Variants in NAV3 observed in about 807,000 individuals in gnomAD.
NAV3 encodes pore membrane and/or filament interacting like protein 1.
NAV3 carries 87 observed loss-of-function variants against 244.7 expected under a neutral mutation model. The observed-to-expected ratio is 0.36, with a 90% confidence interval of 0.30 to 0.42. The LOEUF (loss-of-function observed/expected upper bound fraction) is 0.42. Ranked by LOEUF, NAV3 falls within the 20% of genes least tolerant of loss-of-function variation. The pLI, the probability that NAV3 is intolerant of heterozygous loss-of-function variation, is 1.00. For synonymous variants in NAV3, 1,126 were observed against 1,042.2 expected (o/e 1.08, Z -1.55); for missense variants, 2,663 against 2,893.3 (o/e 0.92, Z 1.83).
At chr12:77,997,957 T>G (rs941128351) in intron 6 of NAV3, among the ~76,000 whole-genome samples, 6 of 152,204 alleles carry the variant, frequency 3.9e-5, no homozygotes, top group Non-Finnish European at 8.8e-5. Flanking sequence ...GCTTAATAAC[T>G]GAAATAGCTG....
At chr12:78,097,249 C>T (rs1954300298) in intron 12 of NAV3, among the ~76,000 whole-genome samples, 1 of 152,206 alleles carries the variant, frequency 6.6e-6, no homozygotes, top group Admixed American at 6.5e-5. Context: ...GAATCCCTTT[C>T]CTCTGTTAAG....
chr12:77,845,592 G>A (rs1168794058), intron 1 of NAV3, among the ~76,000 whole-genome samples: 1 of 150,854 alleles, frequency 6.6e-6, no homozygotes, highest in Non-Finnish European at 1.5e-5. Context: ...GGATATTAGT[G>A]ATATCTTTTA....
intron 8 of NAV3, among the ~76,000 whole-genome samples, chr12:78,021,005 T>C (rs1877060322): frequency 6.6e-6 from 1 of 152,172 alleles, no homozygotes; most frequent in Non-Finnish European, 1.5e-5. Context: ...ATTTTGAAGC[T>C]GCATCAAATA....
At chr12:77,715,823 A>T (rs1257189949) in intron 2 of NAV3, among the ~76,000 whole-genome samples, 2 of 152,016 alleles carry the variant, frequency 1.3e-5, no homozygotes, top group African/African-American at 4.8e-5. Flanking sequence ...AGTAAAAAAA[A>T]GTTATTGTAG....
chr12:78,035,766 T>C (rs1363591502), intron 9 of NAV3, among the ~76,000 whole-genome samples: 1 of 152,228 alleles, frequency 6.6e-6, no homozygotes, highest in African/African-American at 2.4e-5. Context: ...GAAATCTTTA[T>C]CATCACATTA....
chr12:77,975,020 A>T (rs868831615), intron 5 of NAV3, among the ~76,000 whole-genome samples: 6 of 5,518 alleles, frequency 1.1e-3, no homozygotes, highest in Middle Eastern at 0.5. Context: ...TGCCCATTCC[A>T]CTGTTTAATT....
Position 77,687,405 on chromosome 12 carries a change from G to A in NAV3, c.72+115139G>A, listed in dbSNP as rs554588008. ...GCCGTATTAGAGCCCATATTCATCA[G>A]TGAGTCCTTAAGTATACACTTGATT... On this transcript the variant is annotated intron_variant, in intron 2 of 8. Coordinates refer to the NAV3 transcript ENST00000550042. Among the ~76,000 whole-genome samples, 5 of 152,188 alleles carry A rather than the reference G, an allele frequency of 3.3e-5. No homozygotes were observed. The East Asian group carries it at 9.7e-4, about 29-fold the overall frequency.
chr12:77,834,808 G>T (rs1001698802), intron 1 of NAV3, among the ~76,000 whole-genome samples: 3 of 152,096 alleles, frequency 2.0e-5, no homozygotes, highest in African/African-American at 7.2e-5. Context: ...CAAATGTAAA[G>T]AATGCCTGGT....
intron 2 of NAV3, among the ~76,000 whole-genome samples, chr12:77,716,366 T>C (rs1382888030): frequency 6.6e-6 from 1 of 151,772 alleles, no homozygotes; most frequent in Non-Finnish European, 1.5e-5. Context: ...GAATGTACCA[T>C]GTTCTCAAGA....
intron 2 of NAV3, among the ~76,000 whole-genome samples, chr12:77,716,112 AAC>A (rs1876349508): frequency 6.6e-6 from 1 of 152,082 alleles, no homozygotes; most frequent in South Asian, 2.1e-4. Context: ...ATGAAATTTA[AAC>A]AGTCTCATTT....
chr12:78,041,480 A>G (rs186733571), intron 9 of NAV3, among the ~76,000 whole-genome samples: 2 of 152,334 alleles, frequency 1.3e-5, no homozygotes, highest in East Asian at 3.9e-4. Context: ...TGGTAAAGAC[A>G]GTGTAAATTT....
At chr12:77,829,041 ATGTTG>A (rs1873317008), upstream of NAV3, among the ~76,000 whole-genome samples, 1 of 152,226 alleles carries the variant, frequency 6.6e-6, no homozygotes, top group African/African-American at 2.4e-5. Context: ...CTCAGTTTGA[ATGTTG>A]TATAGTCAGC....
chr12:77,585,689 G>C (rs763857025), intron 2 of NAV3, among the ~76,000 whole-genome samples: 3 of 152,144 alleles, frequency 2.0e-5, no homozygotes, highest in Non-Finnish European at 4.4e-5. Flanking sequence ...GATCCTACAG[G>C]AGGTGATCGG....
rs1271456066 is a variant in NAV3 at position 78,000,746 on chromosome 12, G to A, written c.880+2270G>A. Among the ~76,000 whole-genome samples, 22 of 149,464 alleles carry A rather than the reference G, an allele frequency of 1.5e-4. No homozygotes were observed. The South Asian group carries it at 3.2e-3, about 22-fold the overall frequency. The stretch of plus-strand genomic sequence containing the variant: ...TCTCGATCTCCTGACCTCGTGATCC[G>A]CCCGCCTCGGCCTCCCAAAGTGCTG... On this transcript the variant is annotated intron_variant, in intron 7 of 39. Coordinates refer to ENST00000397909, the MANE Select transcript of NAV3 (RefSeq NM_001024383.2).
intron 5 of NAV3, among the ~76,000 whole-genome samples, chr12:77,981,877 G>A (rs961922239): frequency 1.1e-4 from 16 of 152,022 alleles, no homozygotes; most frequent in African/African-American, 3.9e-4. Context: ...GGAATCAAGA[G>A]TACTACATGT....
chr12:78,187,647 G>T (rs1958784730), intron 31 of NAV3, among the ~76,000 whole-genome samples: 1 of 151,742 alleles, frequency 6.6e-6, no homozygotes, highest in African/African-American at 2.4e-5. Context: ...CTCTGGCAAG[G>T]TCTTTTAAAT....
chr12:77,668,514 T>C (rs928062745), intron 2 of NAV3, among the ~76,000 whole-genome samples: 3 of 152,074 alleles, frequency 2.0e-5, no homozygotes, highest in Admixed American at 1.3e-4. Context: ...AGCAATAGAA[T>C]TGAACAACAA....
chr12:78,033,484 T>C (rs1265705293), intron 9 of NAV3, among the ~76,000 whole-genome samples: 1 of 152,126 alleles, frequency 6.6e-6, no homozygotes, highest in Non-Finnish European at 1.5e-5. Context: ...CTCTTCCTTG[T>C]ATAACATACA....
At chr12:77,788,369 A>G (rs1871005757) in intron 2 of NAV3, among the ~76,000 whole-genome samples, 2 of 152,310 alleles carry the variant, frequency 1.3e-5, no homozygotes, top group South Asian at 4.1e-4. Context: ...GTCAGTGCTA[A>G]GTGTGGCCAG....
Sources: gnomAD v4.1 joint callset for allele counts (sites outside exome capture counted in the v4.1 genomes callset) on GRCh38, gnomAD v4.1.1 for gene constraint, MANE v1.5 for transcripts, NCBI Gene and HGNC (gene_info 2026-07-23, HGNC 2026-07-21) for gene names.